PCNT: variants seen among roughly 807,000 people sequenced by gnomAD.
PCNT encodes pericentrin.
Under a neutral mutation model 380.4 loss-of-function variants are expected in PCNT, and 319 were observed. The ratio of observed to expected loss-of-function variants is 0.84; its 90% CI spans 0.77 to 0.92. The LOEUF is 0.92. Among genes scored for constraint, PCNT ranks in the 40% least tolerant of loss-of-function variants. PCNT has a pLI of 0.00. For synonymous variants in PCNT, 1,845 were observed against 1,735.2 expected (o/e 1.06, Z -1.57); for missense variants, 4,400 against 4,255.3 (o/e 1.03, Z -0.95).
intron 15 of PCNT, among the ~76,000 whole-genome samples, chr21:46,378,965 T>C (rs1400193408): frequency 6.6e-6 from 1 of 152,156 alleles, no homozygotes; most frequent in African/African-American, 2.4e-5. Context: ...TTGTCTCCTG[T>C]TTTCTCTGTG....
At chr21:46,329,436 GTA>G (rs2083486643) in intron 2 of PCNT, among the ~76,000 whole-genome samples, 3 of 152,144 alleles carry the variant, frequency 2.0e-5, no homozygotes, top group Admixed American at 2.0e-4. Context: ...ATGGTTTTTG[GTA>G]TTTCCTACAA....
chr21:46,407,340 C>T (rs1393316790), intron 27 of PCNT, among the ~76,000 whole-genome samples: 10 of 106,418 alleles, frequency 9.4e-5, no homozygotes, highest in Non-Finnish European at 1.1e-4. Flanking sequence ...TATACTTTCT[C>T]TTTTTTTTTT....
At chr21:46,417,335 C>T (rs1039067856) in intron 30 of PCNT, among the ~76,000 whole-genome samples, 2 of 151,884 alleles carry the variant, frequency 1.3e-5, no homozygotes, top group Admixed American at 1.3e-4. Context: ...GCTGGGACTA[C>T]AGGCACACGC....
At chr21:46,345,912 G>A (rs1483240075) in intron 3 of PCNT, among the ~76,000 whole-genome samples, 1 of 152,210 alleles carries the variant, frequency 6.6e-6, no homozygotes, top group African/African-American at 2.4e-5. Flanking sequence ...TTGGGGCTTC[G>A]TTCCTTCTTG....
chr21:46,360,541 C>T (rs1160865834), intron 13 of PCNT, among the ~76,000 whole-genome samples: 9 of 91,440 alleles, frequency 9.8e-5, no homozygotes, highest in African/African-American at 3.1e-4. Flanking sequence ...TTTTCTGAGA[C>T]GGAATATTGC....
At chr21:46,394,128 ACT>A (rs1226033907) in intron 21 of PCNT, among the ~76,000 whole-genome samples, 1 of 151,100 alleles carries the variant, frequency 6.6e-6, no homozygotes, top group Non-Finnish European at 1.5e-5. Flanking sequence ...CGGTTGTGTG[ACT>A]CTGCGCCAGC....
At chr21:46,402,614 C>T in intron 27 of PCNT, 131 bp downstream of exon 27, 1 of 936,804 alleles carries the variant, frequency 1.1e-6, no homozygotes, top group Admixed American at 1.9e-5. Flanking sequence ...ATGTGGCAGA[C>T]AGTGCAGAGA....
intron 3 of PCNT, among the ~76,000 whole-genome samples, chr21:46,340,704 C>G (rs1164086537): frequency 1.3e-5 from 2 of 152,134 alleles, no homozygotes; most frequent in Non-Finnish European, 2.9e-5. Context: ...GAGTCTTTCT[C>G]TGTTGCCCAG....
rs750964952 is a variant in PCNT at position 46,412,078 on chromosome 21, C to G, written c.5994+11C>G. ...GTCCCTGACCCACAGGTGGGCTCCC[C>G]CCGCGGGCCATGGCAGGGTATTTTT... On this transcript the variant is annotated intron_variant, in intron 28 of 46. Coordinates refer to ENST00000359568, the MANE Select transcript of PCNT (RefSeq NM_006031.6). 8 of 1,604,566 alleles carry G rather than the reference C, an allele frequency of 5.0e-6. No individual in the cohort carries two copies. The highest frequency in any genetic ancestry group is 4.5e-5 in the East Asian group (2 of 44,820).
Position 46,416,788 on chromosome 21 carries a change from G to A in PCNT, c.6870G>A (p.Gln2290=). The change falls in exon 30 of 47, where the codon CAG becomes CAA. Residue 2290 remains glutamine, a synonymous_variant. Transcript: ENST00000359568. ...TGTCTGCAGCAGCGCTGGCACTGCA[G>A]TGGGCCGAGTCTCCGCCGGCTGACG... ...PGVSAAALAL[Q]WAESPPADDH... 6.2e-7 allele frequency: 1 copy of A among 1,601,748 alleles called. No individual in the cohort carries two copies.
In PCNT at chr21:46,445,387, C is replaced by T. The variant is rs2053727297; in HGVS notation, c.*60C>T. The T allele has an allele frequency of 4.3e-6, 6 of 1,392,880 alleles. No homozygotes were observed. The highest frequency in any genetic ancestry group is 5.1e-6 in the Non-Finnish European group (5 of 978,192). The allele number at this position is 1,392,880 out of a possible 1,614,324, so 86.3% of individuals were successfully genotyped here. ...ATTTGAGGAAAAGATTTGTTTTTCC[C>T]TTTTCCCAAGGAAGCTCGTGGGACA... On this transcript the variant is annotated 3_prime_UTR_variant, in exon 47 of 47. Transcript: ENST00000359568.
At chr21:46,436,928 A>G in intron 39 of PCNT, 51 bp from the exon 40 acceptor site, 1 of 1,296,204 alleles carries the variant, frequency 7.7e-7, no homozygotes. Flanking sequence ...GTTTTGCATA[A>G]TGGTCACTTG....
chr21:46,386,673 G>T (rs13047209), intron 17 of PCNT, among the ~76,000 whole-genome samples: 46,640 of 152,144 alleles, frequency 0.31, 8,817 homozygotes, highest in African/African-American at 0.54. Flanking sequence ...CCCTTTTGTC[G>T]CGTGTGGGGT....
At chr21:46,361,882 G>C (rs768137105) in intron 13 of PCNT, among the ~76,000 whole-genome samples, 1 of 152,166 alleles carries the variant, frequency 6.6e-6, no homozygotes, top group Admixed American at 6.5e-5. Context: ...CAGATTTTAT[G>C]ATCTGTTTTG....
chr21:46,428,264 G>T, intron 34 of PCNT, 131 bp from the exon 35 acceptor site: 1 of 837,718 alleles, frequency 1.2e-6, no homozygotes, highest in East Asian at 2.6e-5. Context: ...AGGCCCAGCA[G>T]ATACTGTGCA....
intron 39 of PCNT, 34 bp downstream of exon 39, chr21:46,436,182 C>A: frequency 6.2e-7 from 1 of 1,600,222 alleles, no homozygotes; most frequent in South Asian, 1.1e-5. Context: ...CTCACTGGTC[C>A]CTTGCAGCCA....
intron 21 of PCNT, 121 bp downstream of exon 21, chr21:46,391,497 A>G (rs906065032): frequency 2.5e-6 from 2 of 798,290 alleles, no homozygotes; most frequent in Non-Finnish European, 4.0e-6. Flanking sequence ...ACCAGCACGC[A>G]GCTTCTCCTG....
chr21:46,331,521 T>C (rs1189655919), intron 2 of PCNT, among the ~76,000 whole-genome samples: 1 of 152,172 alleles, frequency 6.6e-6, no homozygotes, highest in Admixed American at 6.5e-5. Context: ...AACTCAGAAA[T>C]GGCAGAAAGC....
intron 3 of PCNT, among the ~76,000 whole-genome samples, chr21:46,337,728 A>G (rs1231641299): frequency 6.6e-6 from 1 of 151,814 alleles, no homozygotes; most frequent in Non-Finnish European, 1.5e-5. Flanking sequence ...GATTACAGGC[A>G]TGCGCCACCA....
Sources: gnomAD v4.1 joint callset for allele counts (sites outside exome capture counted in the v4.1 genomes callset) on GRCh38, gnomAD v4.1.1 for gene constraint, MANE v1.5 for transcripts, NCBI Gene and HGNC (gene_info 2026-07-23, HGNC 2026-07-21) for gene names.